Variants in RTF1 observed in about 807,000 individuals in gnomAD.
RTF1 encodes RTF1 homolog, Paf1/RNA polymerase II complex component.
RTF1 carries 10 observed loss-of-function variants against 95.7 expected under a neutral mutation model. The ratio of observed to expected loss-of-function variants is 0.10; its 90% CI spans 0.06 to 0.18. RTF1 has a LOEUF of 0.18. Among genes scored for constraint, RTF1 ranks in the 10% least tolerant of loss-of-function variants. RTF1 has a pLI of 1.00. For missense variants in RTF1, 458 were observed against 875.6 expected (o/e 0.52, Z 6.02); for synonymous variants, 305 against 311.8 (o/e 0.98, Z 0.23).
At chr15:41,445,324 G>T (rs1031205119) in intron 2 of RTF1, among the ~76,000 whole-genome samples, 3 of 152,116 alleles carry the variant, frequency 2.0e-5, no homozygotes, top group Non-Finnish European at 4.4e-5. Flanking sequence ...TTAAGATCTC[G>T]TTGCAAGAAT....
intron 3 of RTF1, among the ~76,000 whole-genome samples, chr15:41,454,113 C>A (rs1037134208): frequency 1.3e-5 from 2 of 151,790 alleles, no homozygotes; most frequent in African/African-American, 2.4e-5. Flanking sequence ...AATTTATTAT[C>A]GAGACAGAGT....
At position 41,452,912 on chromosome 15, in the gene RTF1, G is replaced by C. The variant is rs2050795757; in HGVS notation, c.321G>C (p.Gly107=). The change falls in exon 3 of 18, where the codon GGG becomes GGC. Residue 107 remains glycine (G), a synonymous_variant. Coordinates refer to ENST00000389629, the MANE Select transcript of RTF1 (RefSeq NM_015138.5). Reference sequence around the variant, plus strand: ...TTTTCTCCTTATAGTGGACATTTGGGAGCAATAAAAATAAGAAGAAAGGAA... The same window carrying C: ...TTTTCTCCTTATAGTGGACATTTGGCAGCAATAAAAATAAGAAGAAAGGAA... ...TSDSDDEWTF[G]SNKNKKKGKA... is the part of the protein sequence containing the mutation. 6.2e-7 allele frequency: 1 copy of C among 1,602,796 alleles called. No individual in the cohort carries two copies. The highest frequency in any genetic ancestry group is 8.5e-7 in the Non-Finnish European group (1 of 1,175,424).
At chr15:41,463,885 C>G (rs954820223) in intron 4 of RTF1, among the ~76,000 whole-genome samples, 1 of 152,176 alleles carries the variant, frequency 6.6e-6, no homozygotes, top group African/African-American at 2.4e-5. Flanking sequence ...CGGAGTCTCA[C>G]TCTGTCGCCA....
chr15:41,474,027 A>C (rs1171761746), intron 8 of RTF1, among the ~76,000 whole-genome samples: 2 of 151,732 alleles, frequency 1.3e-5, no homozygotes, highest in Non-Finnish European at 2.9e-5. Flanking sequence ...ACAGAGCAAG[A>C]CTTTGTCTCA....
At chr15:41,469,037 C>T (rs1158470435) in intron 6 of RTF1, among the ~76,000 whole-genome samples, 4 of 152,044 alleles carry the variant, frequency 2.6e-5, no homozygotes, top group Admixed American at 1.3e-4. Context: ...GGCGCGATCT[C>T]GGCTCATTGC....
chr15:41,421,709 C>CTT (rs752702270), intron 1 of RTF1, among the ~76,000 whole-genome samples: 2 of 127,478 alleles, frequency 1.6e-5, no homozygotes, highest in Non-Finnish European at 1.7e-5. Flanking sequence ...ACTACTGGTT[C>CTT]TTTTTTTTTT....
At chr15:41,470,062 G>T (rs1041847084) in intron 6 of RTF1, among the ~76,000 whole-genome samples, 195 bp from the exon 7 acceptor site, 1 of 152,038 alleles carries the variant, frequency 6.6e-6, no homozygotes, top group Non-Finnish European at 1.5e-5. Context: ...ATCTGCTGGG[G>T]CCTGACATTT....
chr15:41,430,766 G>A (rs2050665576), intron 1 of RTF1, among the ~76,000 whole-genome samples: 1 of 151,942 alleles, frequency 6.6e-6, no homozygotes, highest in African/African-American at 2.4e-5. Flanking sequence ...AGAATATAAA[G>A]GACTGAGCTA....
chr15:41,473,652 T>C (rs2140654504), intron 8 of RTF1, among the ~76,000 whole-genome samples: 1 of 152,230 alleles, frequency 6.6e-6, no homozygotes, highest in African/African-American at 2.4e-5. Flanking sequence ...AACCTTGAAC[T>C]CCTGGACTCA....
At chr15:41,465,007 C>T in intron 5 of RTF1, 122 bp downstream of exon 5, 2 of 1,349,786 alleles carry the variant, frequency 1.5e-6, no homozygotes, top group Non-Finnish European at 1.9e-6. Context: ...GTTTATAAGA[C>T]TTGTGACATG....
intron 8 of RTF1, 45 bp from the exon 9 acceptor site, chr15:41,474,575 C>T: frequency 7.4e-7 from 1 of 1,348,468 alleles, no homozygotes; most frequent in Non-Finnish European, 1.1e-6. Flanking sequence ...GTGGAAAGCT[C>T]CGGAAGAGTC....
chr15:41,421,488 C>T (rs577723750), intron 1 of RTF1, among the ~76,000 whole-genome samples: 4 of 150,952 alleles, frequency 2.6e-5, no homozygotes, highest in Non-Finnish European at 5.9e-5. Context: ...TAAAAATTAG[C>T]TGGGCATGGT....
rs191660508 is a variant in RTF1, at chr15:41,423,660, C to T, written c.198+6347C>T. ...CTGGGATTACAGGGGTGAGCCACCA[C>T]GCCCAGCCCTGGGAGCTTTAACAGT... is the stretch of plus-strand genomic sequence containing the variant. On this transcript the variant is annotated intron_variant, in intron 1 of 17. Transcript: ENST00000389629. 3.3e-5 allele frequency among the ~76,000 whole-genome samples: 5 copies of T among 152,224 alleles called. No individual in the cohort carries two copies. The South Asian group carries it at 6.2e-4, about 19-fold the overall frequency.
At chr15:41,468,605 C>A (rs886260603) in intron 6 of RTF1, among the ~76,000 whole-genome samples, 2 of 152,142 alleles carry the variant, frequency 1.3e-5, no homozygotes, top group African/African-American at 4.8e-5. Context: ...GTGTGAGCCA[C>A]CGCACCCGGC....
In RTF1 at chr15:41,457,683, G is replaced by T; in HGVS notation, c.469G>T (p.Asp157Tyr). The change falls in exon 4 of 18, where the codon GAC (aspartate) becomes TAC (tyrosine). Residue 157 changes from aspartate (D) to tyrosine (Y), a missense_variant. This residue lies in a region of RTF1 where 15 missense variants were observed against 28.4 expected (regional missense o/e 0.53). Coordinates refer to ENST00000389629, the MANE Select transcript of RTF1 (RefSeq NM_015138.5). ...GGCCTTTGTTGCAGGTGAAGTGTCA[G>T]ACTCTGACAGCAACAGCTCCTCTTC... Reference protein sequence around the residue: ...SSAPEEGEVSDSDSNSSSSSS... With the variant: ...SSAPEEGEVSYSDSNSSSSSS... The T allele has an allele frequency of 6.2e-7, 1 of 1,614,118 alleles. No homozygotes were observed. Among genetic ancestry groups the T allele is most frequent in the Non-Finnish European group, 8.5e-7 (1 of 1,180,006 alleles).
intron 2 of RTF1, among the ~76,000 whole-genome samples, chr15:41,442,995 GTTTCT>G (rs1165404808): frequency 2.6e-5 from 4 of 152,034 alleles, no homozygotes; most frequent in Non-Finnish European, 5.9e-5. Context: ...CTCTCATACC[GTTTCT>G]TTTCATTAGT....
intron 2 of RTF1, among the ~76,000 whole-genome samples, chr15:41,452,510 G>GCAA (rs2050793999): frequency 6.6e-6 from 1 of 150,914 alleles, no homozygotes; most frequent in Non-Finnish European, 1.5e-5. Context: ...GATACAGGAG[G>GCAA]ATTGTCTGAG....
intron 8 of RTF1, among the ~76,000 whole-genome samples, chr15:41,472,997 G>A (rs1411651082): frequency 1.3e-5 from 2 of 151,914 alleles, no homozygotes; most frequent in Non-Finnish European, 2.9e-5. Context: ...CACCGCACCC[G>A]GCCTCACTTT....
At chr15:41,424,987 A>G (rs1189477570) in intron 1 of RTF1, among the ~76,000 whole-genome samples, 1 of 152,048 alleles carries the variant, frequency 6.6e-6, no homozygotes, top group Non-Finnish European at 1.5e-5. Flanking sequence ...CCTGGGTGAC[A>G]GAGAGACTCC....
Sources: allele counts gnomAD v4.1 joint callset (sites outside exome capture counted in the v4.1 genomes callset), GRCh38; gene constraint gnomAD v4.1.1; regional missense constraint gnomAD v4.1.1; transcripts MANE v1.5; gene names NCBI Gene and HGNC (gene_info 2026-07-23, HGNC 2026-07-21).